PKD2: variants seen among roughly 807,000 people sequenced by gnomAD.
PKD2 encodes the protein polycystin 2, transient receptor potential cation channel, also known as polycystin-2.
A neutral mutation model predicts 105.9 loss-of-function variants in PKD2; 48 were observed. That is an observed-to-expected ratio of 0.45 (90% CI 0.36 to 0.58). The LOEUF (loss-of-function observed/expected upper bound fraction) is 0.58, where lower values mean the gene tolerates loss of function less well. PKD2 is among the 20% of genes least tolerant of loss of function. The probability of loss-of-function intolerance (pLI) is 0.00; values close to 1 mark genes in which losing one functional copy is unlikely to be tolerated. For missense variants in PKD2, 1,078 were observed against 1,255.3 expected (o/e 0.86, Z 2.13); for synonymous variants, 464 against 481.1 (o/e 0.96, Z 0.46).
chr4:88,072,858 G>A (rs890116027), intron 13 of PKD2, among the ~76,000 whole-genome samples: 2 of 151,592 alleles, frequency 1.3e-5, no homozygotes, highest in African/African-American at 4.8e-5. Context: ...GCAACATGGT[G>A]AGACCCTCAT....
intron 2 of PKD2, among the ~76,000 whole-genome samples, chr4:88,034,121 T>C (rs1727251170): frequency 6.6e-6 from 1 of 152,036 alleles, no homozygotes; most frequent in African/African-American, 2.4e-5. Flanking sequence ...TTCTGAGAGG[T>C]AGTAAGTCAT....
intron 13 of PKD2, among the ~76,000 whole-genome samples, chr4:88,071,605 A>C (rs1399990375): frequency 4.0e-5 from 6 of 151,552 alleles, no homozygotes; most frequent in Non-Finnish European, 8.8e-5. Flanking sequence ...GTTAGATAAT[A>C]TATTGTAGGA....
Position 88,075,509 on chromosome 4 carries a change from C to G in PKD2, c.2722C>G (p.Leu908Val). 1 of 1,614,118 alleles carries G rather than the reference C, an allele frequency of 6.2e-7. No homozygotes were observed. Among genetic ancestry groups the G allele is most frequent in the African/African-American group, 1.3e-5 (1 of 75,028 alleles). Residue 908 changes from leucine (L) to valine (V), a missense_variant, in exon 15 of 15, where the codon CTA becomes GTA. Leu to Val is a conservative substitution (Grantham distance 32, BLOSUM62 1). Coordinates refer to ENST00000237596, the MANE Select transcript of PKD2 (RefSeq NM_000297.4). ...AATCCATAGGGAACAGATGGAACGG[C>G]TAGTACGTGAAGAGTTGGAACGCTG... Reference protein sequence around the residue: ...SEIHREQMERLVREELERWES... With the variant: ...SEIHREQMERVVREELERWES...
At chr4:88,065,323 C>T in intron 10 of PKD2, 51 bp from the exon 11 acceptor site, 1 of 1,564,920 alleles carries the variant, frequency 6.4e-7, no homozygotes, top group Non-Finnish European at 8.8e-7. Flanking sequence ...AAAACAGATG[C>T]AAAAGGAGAA....
intron 2 of PKD2, among the ~76,000 whole-genome samples, chr4:88,021,823 G>T (rs1726759406): frequency 6.6e-6 from 1 of 152,226 alleles, no homozygotes; most frequent in East Asian, 1.9e-4. Context: ...CTCTTCGCAA[G>T]TTTGGAGACA....
intron 2 of PKD2, 118 bp downstream of exon 2, chr4:88,019,689 A>C (rs998650148): frequency 2.9e-6 from 2 of 699,534 alleles, no homozygotes; most frequent in Non-Finnish European, 5.3e-6. Flanking sequence ...TTACCTTCTT[A>C]CCTTTGTTTT....
intron 4 of PKD2, among the ~76,000 whole-genome samples, chr4:88,040,256 C>T (rs1299343119): frequency 2.0e-5 from 3 of 152,158 alleles, no homozygotes; most frequent in African/African-American, 7.2e-5. Context: ...ATTCCTCCTC[C>T]ATATTAATTG....
intron 13 of PKD2, among the ~76,000 whole-genome samples, chr4:88,072,069 A>C (rs906831614): frequency 2.7e-5 from 4 of 149,470 alleles, no homozygotes; most frequent in African/African-American, 9.9e-5. Context: ...TGCAGCCTCA[A>C]TCTCTCAGGC....
At position 88,070,601 on chromosome 4, in the gene PKD2, T is replaced by TATATATAGAGAG. The variant is rs1313482750; in HGVS notation, c.2522+2541_2522+2542insTATATAGAGAGA. On this transcript the variant is annotated intron_variant, in intron 13 of 14. Coordinates refer to ENST00000237596, the MANE Select transcript of PKD2 (RefSeq NM_000297.4). ...ATATATATATATATATATATATATATAGAGAGAGAGAGAGAGAGAGAGAGA... is the reference window on the plus strand; with the variant it reads ...ATATATATATATATATATATATATATATATATAGAGAGAGAGAGAGAGAGAGAGAGAGAGAGA... Among the ~76,000 whole-genome samples the TATATATAGAGAG allele has an allele frequency of 2.0e-3, 180 of 91,452 alleles. 2 individuals are homozygous for TATATATAGAGAG. The highest frequency in any genetic ancestry group is 2.8e-3 in the Non-Finnish European group (132 of 47,756). 60.0% of individuals were successfully genotyped at this position (91,452 alleles called of 152,430 possible). A position where few individuals can be genotyped will look rare whatever the true frequency, so the allele number is the denominator to read the frequency against.
chr4:88,019,771 A>T (rs2110089469), intron 2 of PKD2, among the ~76,000 whole-genome samples, 200 bp downstream of exon 2: 1 of 152,332 alleles, frequency 6.6e-6, no homozygotes, highest in South Asian at 2.1e-4. Flanking sequence ...GCTTTATAAG[A>T]GAAGGGACGT....
chr4:88,031,410 C>T (rs1727147170), intron 2 of PKD2, among the ~76,000 whole-genome samples: 1 of 152,096 alleles, frequency 6.6e-6, no homozygotes, highest in Non-Finnish European at 1.5e-5. Flanking sequence ...TATTTTATTT[C>T]CACTGCATCC....
chr4:88,067,511 T>A lies in PKD2; in HGVS notation c.2359-387T>A, dbSNP rs572737744. Among the ~76,000 whole-genome samples, 524 of 152,172 alleles carry A rather than the reference T, an allele frequency of 3.4e-3. 3 individuals carry two copies. The highest frequency in any genetic ancestry group is 0.012 in the African/African-American group (491 of 41,528). On this transcript the variant is annotated intron_variant, in intron 12 of 14. Coordinates refer to ENST00000237596, the MANE Select transcript of PKD2 (RefSeq NM_000297.4). Reference sequence around the variant, plus strand: ...CATGCCTGGCTAATTTTTTAAAAAATTTTTTGTGGAGGCAGAGTCTCACCT... The same window carrying A: ...CATGCCTGGCTAATTTTTTAAAAAAATTTTTGTGGAGGCAGAGTCTCACCT...
At chr4:88,051,287 C>T (rs1306650226) in intron 6 of PKD2, among the ~76,000 whole-genome samples, 1 of 152,194 alleles carries the variant, frequency 6.6e-6, no homozygotes, top group Non-Finnish European at 1.5e-5. Context: ...CAAGCCCAAG[C>T]TCATGCTTTG....
At chr4:88,027,743 G>A (rs1266990403) in intron 2 of PKD2, among the ~76,000 whole-genome samples, 1 of 151,946 alleles carries the variant, frequency 6.6e-6, no homozygotes, top group Non-Finnish European at 1.5e-5. Flanking sequence ...GATGGGAGGT[G>A]ACTGAATCAT....
intron 1 of PKD2, among the ~76,000 whole-genome samples, 193 bp from the exon 2 acceptor site, chr4:88,019,265 G>C (rs1449097802): frequency 2.0e-5 from 3 of 151,480 alleles, no homozygotes; most frequent in Non-Finnish European, 4.4e-5. Flanking sequence ...ATTGGAGCCA[G>C]ATGTACTCTT....
At chr4:88,073,672 A>C (rs762356927) in intron 13 of PKD2, among the ~76,000 whole-genome samples, 6 of 152,222 alleles carry the variant, frequency 3.9e-5, no homozygotes, top group Non-Finnish European at 8.8e-5. Flanking sequence ...TGCTTCTATC[A>C]CATGAGCTGG....
rs762868319 is a variant in PKD2 at position 88,019,494 on chromosome 4, C to G, written c.632C>G (p.Thr211Ser). ...WGTRLMEESS[T>S]NREKYLKSVL... ...ACAAGACTCATGGAGGAAAGCAGCA[C>G]TAACCGAGAGAAATACCTTAAAAGT... Residue 211 changes from threonine to serine, a missense_variant, in exon 2 of 15, where the codon ACT becomes AGT. Physicochemically the swap from Thr to Ser is moderately conservative, Grantham distance 58. This residue lies in a region of PKD2 where 868 missense variants were observed against 1,067.3 expected (regional missense o/e 0.81). Transcript: ENST00000237596. 11 of 1,605,178 alleles carry G rather than the reference C, an allele frequency of 6.9e-6. No individual in the cohort carries two copies. The highest frequency in any genetic ancestry group is 9.4e-6 in the Non-Finnish European group (11 of 1,171,914).
At position 88,052,201 on chromosome 4, in the gene PKD2, C is replaced by A. The variant is rs773637938; in HGVS notation, c.1716+43C>A. On this transcript the variant is annotated intron_variant, in intron 7 of 14. Transcript: ENST00000237596. ...TGTTCTACATTTTAAATAATATTTT[C>A]TTTAAAAAAAATGAGTTCCACAAAA... The A allele has an allele frequency of 2.4e-5, 31 of 1,275,344 alleles. No homozygotes were observed. The Admixed American group carries it at 3.2e-4, about 13-fold the overall frequency. The allele number at this position is 1,275,344 out of a possible 1,614,324, so 79.0% of individuals were successfully genotyped here. A position where few individuals can be genotyped will look rare whatever the true frequency, so the allele number is the denominator to read the frequency against.
chr4:88,015,794 A>G (rs1274318566), intron 1 of PKD2, among the ~76,000 whole-genome samples: 2 of 152,230 alleles, frequency 1.3e-5, no homozygotes, highest in African/African-American at 4.8e-5. Flanking sequence ...CCAATTATTT[A>G]TGTTTGGAAT....
Sources: gnomAD v4.1 joint callset for allele counts (sites outside exome capture counted in the v4.1 genomes callset) on GRCh38, gnomAD v4.1.1 for gene constraint, gnomAD v4.1.1 regional missense constraint, MANE v1.5 for transcripts, NCBI Gene and HGNC (gene_info 2026-07-23, HGNC 2026-07-21) for gene names.